Variants in KAZN observed in about 807,000 individuals in gnomAD.
KAZN encodes kazrin.
A neutral mutation model predicts 87.4 loss-of-function variants in KAZN; 40 were observed. The ratio of observed to expected loss-of-function variants is 0.46; its 90% CI spans 0.36 to 0.60. The LOEUF (loss-of-function observed/expected upper bound fraction) is 0.60, where lower values mean the gene tolerates loss of function less well. Among genes scored for constraint, KAZN ranks in the 20% least tolerant of loss-of-function variants. The pLI is 0.00. For missense variants in KAZN, 898 were observed against 1,073.9 expected (o/e 0.84, Z 2.29); for synonymous variants, 466 against 458.3 (o/e 1.02, Z -0.22).
Position 13,893,485 on chromosome 1 carries a change from C to T in KAZN, c.-181C>T, listed in dbSNP as rs1468539557. On this transcript the variant is annotated 5_prime_UTR_variant, in exon 1 of 17. Coordinates refer to the KAZN transcript ENST00000636203. ...TTACTTGACTGGTGTTTGAGAAAAA[C>T]TGCAAGGAAAGGGTGGCGAAAGGAA... is the stretch of plus-strand genomic sequence containing the variant. 3.8e-6 allele frequency: 4 copies of T among 1,053,132 alleles called. No homozygotes were observed. The African/African-American group carries it at 4.9e-5, about 13-fold the overall frequency. 65.2% of individuals were successfully genotyped at this position (1,053,132 alleles called of 1,614,324 possible).
chr1:14,700,345 G>A lies in KAZN; in HGVS notation c.226+101122G>A, dbSNP rs553943762. ...AAATTAGTTGGCCATGGTGGTGTGC[G>A]CCTGTAATCCCAGCTACTCAGGAGA... On this transcript the variant is annotated intron_variant, in intron 1 of 14. Coordinates refer to ENST00000376030, the MANE Select transcript of KAZN (RefSeq NM_201628.3). 5.9e-5 allele frequency among the ~76,000 whole-genome samples: 9 copies of A among 152,100 alleles called. 1 individual carries two copies. In the South Asian group the frequency reaches 1.7e-3, roughly 28 times the overall value.
At chr1:14,713,790 A>AG (rs1292845208) in intron 1 of KAZN, among the ~76,000 whole-genome samples, 1,303 of 127,090 alleles carry the variant, frequency 0.01, 19 homozygotes, top group African/African-American at 0.033. Context: ...AAAAAAAAAA[A>AG]AAAAAAAAAA....
chr1:14,738,631 A>G (rs1343087065), intron 1 of KAZN, among the ~76,000 whole-genome samples: 6 of 152,052 alleles, frequency 3.9e-5, no homozygotes, highest in African/African-American at 1.4e-4. Context: ...AGGAGAAGAG[A>G]GGTAAGTCCA....
intron 1 of KAZN, among the ~76,000 whole-genome samples, chr1:14,668,330 A>AGC (rs1336798797): frequency 6.6e-6 from 1 of 152,284 alleles, no homozygotes; most frequent in East Asian, 1.9e-4. Flanking sequence ...TGAGTCCATC[A>AGC]GCGGTTCATG....
chr1:14,434,746 C>G (rs1055605184), intron 2 of KAZN, among the ~76,000 whole-genome samples: 1 of 151,998 alleles, frequency 6.6e-6, no homozygotes, highest in Non-Finnish European at 1.5e-5. Context: ...TGTGCTGGGA[C>G]CCCAGCCCAG....
intron 2 of KAZN, among the ~76,000 whole-genome samples, chr1:14,422,367 T>C (rs763098449): frequency 6.6e-6 from 1 of 152,164 alleles, no homozygotes; most frequent in African/African-American, 2.4e-5. Flanking sequence ...GAGCTTCCCC[T>C]TTTCCTTCAA....
intron 8 of KAZN, among the ~76,000 whole-genome samples, chr1:15,088,182 G>T (rs1256674422): frequency 6.6e-6 from 1 of 152,180 alleles, no homozygotes; most frequent in Non-Finnish European, 1.5e-5. Context: ...AGCAGCTTTA[G>T]ACAATAAATA....
intron 2 of KAZN, among the ~76,000 whole-genome samples, chr1:15,023,801 G>A (rs929626393): frequency 2.6e-5 from 4 of 152,016 alleles, no homozygotes; most frequent in Admixed American, 2.0e-4. Flanking sequence ...TGGGTGAGCA[G>A]GGTAGTGACT....
intron 1 of KAZN, among the ~76,000 whole-genome samples, chr1:14,720,661 A>G (rs911051017): frequency 6.6e-6 from 1 of 152,092 alleles, no homozygotes; most frequent in Non-Finnish European, 1.5e-5. Flanking sequence ...TATCATTCTT[A>G]CAGACTGCCC....
In KAZN at chr1:15,097,307, TA is replaced by T. The variant is rs1640846610; in HGVS notation, c.1547+2376del. On this transcript the variant is annotated intron_variant, in intron 10 of 14. Transcript: ENST00000376030. The stretch of plus-strand genomic sequence containing the variant: ...TTTCAGGGCTCCATGGACTCGGGGG[TA>T]AGAACTCTAAATGAGTTCATCTTCG... Among the ~76,000 whole-genome samples the T allele has an allele frequency of 1.3e-5, 2 of 151,946 alleles. 1 individual carries two copies. The highest frequency in any genetic ancestry group is 4.2e-4 in the South Asian group (2 of 4,814).
intron 2 of KAZN, among the ~76,000 whole-genome samples, chr1:14,568,474 G>A (rs1674669078): frequency 6.6e-6 from 1 of 152,174 alleles, no homozygotes; most frequent in South Asian, 2.1e-4. Flanking sequence ...GAAGGTGAAA[G>A]GCATGTATTA....
chr1:14,223,109 T>C (rs1316666308), intron 2 of KAZN: 1 of 152,120 alleles, frequency 6.6e-6, no homozygotes, highest in Non-Finnish European at 1.5e-5. Context: ...GGTTCAGACT[T>C]TTTTGGAGCC....
At chr1:13,974,134 C>G (rs1165343409) in intron 1 of KAZN, among the ~76,000 whole-genome samples, 1 of 152,234 alleles carries the variant, frequency 6.6e-6, no homozygotes, top group African/African-American at 2.4e-5. Context: ...TGTTATCAAA[C>G]CAGGAATTTG....
At chr1:14,439,597 G>A (rs1666585762) in intron 2 of KAZN, among the ~76,000 whole-genome samples, 1 of 152,150 alleles carries the variant, frequency 6.6e-6, no homozygotes, top group African/African-American at 2.4e-5. Context: ...GTAGCCACTG[G>A]CCACAGGTGG....
intron 2 of KAZN, among the ~76,000 whole-genome samples, chr1:15,010,332 CA>C (rs1440562215): frequency 6.7e-6 from 1 of 149,750 alleles, no homozygotes. Flanking sequence ...AAGACTCCTT[CA>C]AAGGAGATGT....
chr1:15,114,628 A>G lies in KAZN; in HGVS notation c.2321A>G (p.Asn774Ser), dbSNP rs930591169. 3.2e-6 allele frequency: 5 copies of G among 1,582,488 alleles called. No individual in the cohort carries two copies. Among genetic ancestry groups the G allele is most frequent in the South Asian group, 1.2e-5 (1 of 86,396 alleles). The change falls in exon 15 of 15, where the codon AAC (asparagine) becomes AGC (serine). Residue 774 changes from asparagine to serine, a missense_variant. This residue lies in a region of KAZN where 127 missense variants were observed against 121.5 expected (regional missense o/e 1.04). Coordinates refer to ENST00000376030, the MANE Select transcript of KAZN (RefSeq NM_201628.3). ...LEGYNSLEVT[N>S]V ...GGCTACAACAGCCTGGAGGTCACCA[A>G]CGTGTAAGGAACTGGTGGCTCCACC...
At chr1:14,317,686 A>G (rs191993319) in intron 2 of KAZN, among the ~76,000 whole-genome samples, 217 of 151,846 alleles carry the variant, frequency 1.4e-3, no homozygotes, top group African/African-American at 5.0e-3. Context: ...CCTATTAGCT[A>G]TACAGTGAGT....
intron 1 of KAZN, among the ~76,000 whole-genome samples, chr1:14,919,731 G>A (rs1008567141): frequency 4.6e-5 from 7 of 152,182 alleles, no homozygotes; most frequent in Non-Finnish European, 8.8e-5. Flanking sequence ...ATGATGGATC[G>A]ATCGCATATC....
chr1:14,788,811 A>G (rs1023705147), intron 1 of KAZN, among the ~76,000 whole-genome samples: 4 of 152,048 alleles, frequency 2.6e-5, no homozygotes, highest in African/African-American at 9.7e-5. Flanking sequence ...TTGTACACGT[A>G]GGAGGTCACC....
Sources: allele counts gnomAD v4.1 joint callset (sites outside exome capture counted in the v4.1 genomes callset), GRCh38; gene constraint gnomAD v4.1.1; regional missense constraint gnomAD v4.1.1; transcripts MANE v1.5; gene names NCBI Gene and HGNC (gene_info 2026-07-23, HGNC 2026-07-21).